CDH13: variants seen among roughly 807,000 people sequenced by gnomAD.
CDH13 encodes the protein cadherin 13, also known as cadherin-13.
A neutral mutation model predicts 63.8 loss-of-function variants in CDH13; 24 were observed. That is an observed-to-expected ratio of 0.38 (90% CI 0.27 to 0.53). CDH13 has a LOEUF of 0.53. CDH13 is among the 20% of genes least tolerant of loss of function. The probability of loss-of-function intolerance (pLI) is 0.85; values close to 1 mark genes in which losing one functional copy is unlikely to be tolerated. For missense variants in CDH13, 1,049 were observed against 903.1 expected, an observed-to-expected ratio of 1.16 and a Z score of -2.07; for synonymous variants, 503 against 355.3, an observed-to-expected ratio of 1.42 and a Z score of -4.67.
intron 6 of CDH13, among the ~76,000 whole-genome samples, chr16:83,351,976 C>A (rs1452624137): frequency 1.3e-5 from 2 of 152,126 alleles, no homozygotes; most frequent in Non-Finnish European, 2.9e-5. Context: ...TAGTGGATGG[C>A]CTTGCTATGG....
chr16:83,320,838 A>G (rs986739416), intron 5 of CDH13, among the ~76,000 whole-genome samples: 1 of 152,224 alleles, frequency 6.6e-6, no homozygotes, highest in Non-Finnish European at 1.5e-5. Flanking sequence ...GGCTTAGGCT[A>G]CGAGAGTTGG....
At chr16:82,705,267 T>C (rs1000079408) in intron 1 of CDH13, 5 of 422,596 alleles carry the variant, frequency 1.2e-5, no homozygotes, top group African/African-American at 2.1e-5. Context: ...AGAGACCACG[T>C]TGGACAGGTG....
intron 2 of CDH13, among the ~76,000 whole-genome samples, chr16:82,928,806 G>T (rs1242419093): frequency 6.6e-6 from 1 of 152,186 alleles, no homozygotes; most frequent in Non-Finnish European, 1.5e-5. Context: ...CCACTGGAAA[G>T]GTTGGAGATT....
chr16:82,796,061 T>C (rs2036568136), intron 1 of CDH13, among the ~76,000 whole-genome samples: 1 of 152,108 alleles, frequency 6.6e-6, no homozygotes, highest in South Asian at 2.1e-4. Context: ...CCTTGCCCTA[T>C]TGGCACTTAC....
chr16:82,793,082 C>T (rs2036400987), intron 1 of CDH13, among the ~76,000 whole-genome samples: 1 of 152,194 alleles, frequency 6.6e-6, no homozygotes, highest in Non-Finnish European at 1.5e-5. Flanking sequence ...TTAAATGCAG[C>T]CCTCATAGCA....
chr16:82,627,542 T>C (rs1227351393), intron 1 of CDH13, among the ~76,000 whole-genome samples: 1 of 152,112 alleles, frequency 6.6e-6, no homozygotes, highest in Admixed American at 6.5e-5. Context: ...GCCGCGGTTT[T>C]CCCCAGCCCA....
At chr16:83,542,898 A>T (rs1308564790) in intron 7 of CDH13, among the ~76,000 whole-genome samples, 1 of 152,258 alleles carries the variant, frequency 6.6e-6, no homozygotes, top group African/African-American at 2.4e-5. Context: ...CTTCACTTTC[A>T]AATAAAGTCA....
At chr16:82,880,042 T>G (rs2040645726) in intron 2 of CDH13, among the ~76,000 whole-genome samples, 1 of 148,938 alleles carries the variant, frequency 6.7e-6, no homozygotes, top group Non-Finnish European at 1.5e-5. Context: ...ATATAATGGA[T>G]TAATAGATTA....
intron 4 of CDH13, among the ~76,000 whole-genome samples, chr16:83,131,687 A>G (rs570880828): frequency 6.6e-6 from 1 of 152,318 alleles, no homozygotes; most frequent in African/African-American, 2.4e-5. Context: ...AAGACAAGTC[A>G]TTTATGAAAT....
At position 83,255,707 on chromosome 16, in the gene CDH13, T is replaced by C. The variant is rs556469373; in HGVS notation, c.636+38210T>C. 7.9e-5 allele frequency among the ~76,000 whole-genome samples: 12 copies of C among 152,310 alleles called. No individual in the cohort carries two copies. The South Asian group carries it at 2.3e-3, about 29-fold the overall frequency. ...TCTAGGGTGACTTTTATTATGCTCT[T>C]TTCAATATTGGTAATAAAGTGGCAC... On this transcript the variant is annotated intron_variant, in intron 5 of 13. Transcript: ENST00000567109.
chr16:83,125,459 T>C lies in CDH13; in HGVS notation c.441T>C (p.Ile147=). The change falls in exon 4 of 14, where the codon ATT becomes ATC. Residue 147 remains isoleucine, a synonymous_variant. Transcript: ENST00000567109. The stretch of plus-strand genomic sequence containing the variant: ...CCATTGTGGTATCTCCCATTTTAAT[T>C]CCAGAGAATCAGAGACAGCCTTTCC... ...KRSIVVSPIL[I]PENQRQPFPR... 2 of 1,611,618 alleles carry C rather than the reference T, an allele frequency of 1.2e-6. No individual in the cohort carries two copies. Among genetic ancestry groups the C allele is most frequent in the South Asian group, 1.1e-5 (1 of 90,998 alleles).
intron 13 of CDH13, 87 bp from the exon 14 acceptor site, chr16:83,794,936 T>C: frequency 8.1e-7 from 1 of 1,231,640 alleles, no homozygotes; most frequent in Admixed American, 2.0e-5. Context: ...TTATTATACC[T>C]TGCCTGTCAT....
chr16:82,982,746 C>A (rs557113787), intron 2 of CDH13, among the ~76,000 whole-genome samples: 7 of 152,346 alleles, frequency 4.6e-5, no homozygotes, highest in Non-Finnish European at 8.8e-5. Context: ...AAACGCATCA[C>A]AATCCTATAA....
chr16:82,888,573 T>C, intron 2 of CDH13, among the ~76,000 whole-genome samples: 1 of 152,312 alleles, frequency 6.6e-6, no homozygotes, highest in Admixed American at 6.5e-5. Context: ...CTCCAGGAAC[T>C]GTTCTCAGCC....
rs573920209 is a variant in CDH13, at chr16:82,822,593, C to G, written c.46-35769C>G. Among the ~76,000 whole-genome samples, 5 of 152,236 alleles carry G rather than the reference C, an allele frequency of 3.3e-5. No individual in the cohort carries two copies. The East Asian group carries it at 9.7e-4, about 29-fold the overall frequency. On this transcript the variant is annotated intron_variant, in intron 1 of 13. Transcript: ENST00000567109. ...CTCACTGTAGCCTTCACCTTCTGCT[C>G]AAGAGATCCTCCTGCCTTAGCCTTC...
rs185853458 is a variant in CDH13 at position 82,854,195 on chromosome 16, C to T, written c.46-4167C>T. Among the ~76,000 whole-genome samples the T allele has an allele frequency of 3.3e-5, 5 of 152,004 alleles. No individual in the cohort carries two copies. The East Asian group carries it at 7.7e-4, about 23-fold the overall frequency. On this transcript the variant is annotated intron_variant, in intron 1 of 13. Transcript: ENST00000567109. ...CAGGCGGATCACGAGGTCAGGATAT[C>T]GAGACCACCCTGGCCAACATGTTGA...
chr16:82,846,396 T>C (rs190004523), intron 1 of CDH13, among the ~76,000 whole-genome samples: 15 of 152,216 alleles, frequency 9.9e-5, no homozygotes, highest in Non-Finnish European at 1.6e-4. Flanking sequence ...AAATAATAAC[T>C]AGCACATAAC....
At chr16:83,769,547 A>G (rs1285753052) in intron 11 of CDH13, among the ~76,000 whole-genome samples, 1 of 152,182 alleles carries the variant, frequency 6.6e-6, no homozygotes, top group Admixed American at 6.5e-5. Context: ...ATAAGGTTAA[A>G]GGGGAAGTGA....
At position 82,928,837 on chromosome 16, in the gene CDH13, GA is replaced by G. The variant is rs756491576; in HGVS notation, c.157+70365del. Among the ~76,000 whole-genome samples, 25 of 152,332 alleles carry G rather than the reference GA, an allele frequency of 1.6e-4. No homozygotes were observed. The East Asian group carries it at 4.6e-3, about 28-fold the overall frequency. ...AGATTGGGGTGACCAGTGTTTCTGA[GA>G]TGAACTGAAAACACTTAGCCTCTTT... On this transcript the variant is annotated intron_variant, in intron 2 of 13. Coordinates refer to ENST00000567109, the MANE Select transcript of CDH13 (RefSeq NM_001257.5).
Sources: gnomAD v4.1 joint callset for allele counts (sites outside exome capture counted in the v4.1 genomes callset) on GRCh38, gnomAD v4.1.1 for gene constraint, MANE v1.5 for transcripts, NCBI Gene and HGNC (gene_info 2026-07-23, HGNC 2026-07-21) for gene names.